The following ADAM29 variants were observed in gnomAD, a reference collection of about 807,000 sequenced individuals.
ADAM29 encodes disintegrin and metalloproteinase domain-containing protein 29.
For missense variants in ADAM29, 969 were observed against 1,001.8 expected (o/e 0.97, Z 0.44); for synonymous variants, 367 against 342.3 (o/e 1.07, Z -0.80).
At chr4:174,957,621 G>A (rs551074629) in intron 4 of ADAM29, among the ~76,000 whole-genome samples, 2 of 151,784 alleles carry the variant, frequency 1.3e-5, no homozygotes, top group African/African-American at 4.8e-5. Context: ...TCAGAGAAAA[G>A]AAAATACCTA....
chr4:174,964,058 T>C (rs1746013408), intron 4 of ADAM29, among the ~76,000 whole-genome samples: 2 of 152,110 alleles, frequency 1.3e-5, no homozygotes, highest in Admixed American at 1.3e-4. Context: ...CATTTGTTGA[T>C]TAAATACAGT....
intron 2 of ADAM29, among the ~76,000 whole-genome samples, chr4:174,921,684 C>G (rs1007276852): frequency 4.6e-5 from 7 of 152,098 alleles, no homozygotes; most frequent in Admixed American, 3.3e-4. Context: ...GATTAATATG[C>G]TTTCTTTGTA....
intron 4 of ADAM29, among the ~76,000 whole-genome samples, chr4:174,940,710 A>C (rs184748507): frequency 5.5e-4 from 83 of 152,268 alleles, no homozygotes; most frequent in African/African-American, 2.0e-3. Flanking sequence ...CTTCTTGCTT[A>C]AAACAGGGCT....
At chr4:174,950,068 C>A (rs1745082208) in intron 4 of ADAM29, among the ~76,000 whole-genome samples, 3 of 152,074 alleles carry the variant, frequency 2.0e-5, no homozygotes, top group Admixed American at 1.3e-4. Flanking sequence ...CATTCTGTGA[C>A]CATAGCCTTT....
intron 2 of ADAM29, among the ~76,000 whole-genome samples, chr4:174,921,256 G>C (rs930755057): frequency 1.3e-5 from 2 of 152,096 alleles, no homozygotes; most frequent in African/African-American, 4.8e-5. Context: ...AGAAATAAAA[G>C]CTATAATATG....
At chr4:174,919,036 A>G (rs1743026945) in intron 1 of ADAM29, 1 of 152,126 alleles carries the variant, frequency 6.6e-6, no homozygotes, top group Non-Finnish European at 1.5e-5. Flanking sequence ...TAATTTTTAA[A>G]AGTCTTTAAC....
rs70947473 is a variant in ADAM29 at position 174,923,560 on chromosome 4, T to TATATATATATATATAG, written c.-451+2769_-451+2770insTATATATATATATAGA. 5.3e-4 allele frequency among the ~76,000 whole-genome samples: 61 copies of TATATATATATATATAG among 115,916 alleles called. 4 individuals are homozygous for TATATATATATATATAG. Among genetic ancestry groups the TATATATATATATATAG allele is most frequent in the Non-Finnish European group, 5.9e-4 (35 of 59,280 alleles). The allele number at this position is 115,916 out of a possible 152,430, so 76.0% of individuals were successfully genotyped here. On this transcript the variant is annotated intron_variant, in intron 2 of 4. Coordinates refer to ENST00000359240, the MANE Select transcript of ADAM29 (RefSeq NM_014269.4). Reference sequence around the variant, plus strand: ...ATATATATATATATATATATATATATACACACACACATATATATCTTTAAA... The same window carrying TATATATATATATATAG: ...ATATATATATATATATATATATATATATATATATATATATAGACACACACACATATATATCTTTAAA...
chr4:174,955,341 A>G (rs1251934061), intron 4 of ADAM29, among the ~76,000 whole-genome samples: 1 of 146,540 alleles, frequency 6.8e-6, no homozygotes, highest in Non-Finnish European at 1.6e-5. Flanking sequence ...TTTAAAAAAG[A>G]AGAAGAAGAC....
At chr4:174,934,917 G>C (rs1195426323) in intron 3 of ADAM29, among the ~76,000 whole-genome samples, 1 of 152,150 alleles carries the variant, frequency 6.6e-6, no homozygotes, top group African/African-American at 2.4e-5. Flanking sequence ...TTAGAAAGCT[G>C]TGAACTAAAG....
At chr4:174,947,398 C>A (rs1022788145) in intron 4 of ADAM29, among the ~76,000 whole-genome samples, 2 of 152,142 alleles carry the variant, frequency 1.3e-5, no homozygotes, top group Admixed American at 1.3e-4. Flanking sequence ...AAAACTTTTC[C>A]CTTAACACTG....
rs1442588579 is a variant in ADAM29 at position 174,976,949 on chromosome 4, G to T, written c.1424G>T (p.Cys475Phe). ...PEWCNGTSHK[C>F]PDDFYVEDGI... Reference sequence around the variant, plus strand: ...TGGTGCAATGGTACTTCCCATAAGTGCCCAGATGACTTTTATGTGGAAGAT... The same window carrying T: ...TGGTGCAATGGTACTTCCCATAAGTTCCCAGATGACTTTTATGTGGAAGAT... Residue 475 changes from cysteine to phenylalanine, a missense_variant, in exon 5 of 5, where the codon TGC becomes TTC. Coordinates refer to ENST00000359240, the MANE Select transcript of ADAM29 (RefSeq NM_014269.4). 6.2e-7 allele frequency: 1 copy of T among 1,614,054 alleles called. No homozygotes were observed. Among genetic ancestry groups the T allele is most frequent in the Non-Finnish European group, 8.5e-7 (1 of 1,180,006 alleles).
At chr4:174,919,272 C>G (rs1036685847) in intron 1 of ADAM29, among the ~76,000 whole-genome samples, 4 of 152,212 alleles carry the variant, frequency 2.6e-5, no homozygotes, top group South Asian at 4.1e-4. Flanking sequence ...AAGATCATAA[C>G]CATTCAGAAT....
At chr4:174,946,007 T>G (rs1744831537) in intron 4 of ADAM29, among the ~76,000 whole-genome samples, 1 of 152,114 alleles carries the variant, frequency 6.6e-6, no homozygotes, top group Non-Finnish European at 1.5e-5. Flanking sequence ...TTTTCAAAAC[T>G]TTTTTTCTAA....
At chr4:174,974,226 T>C (rs1327670923) in intron 4 of ADAM29, among the ~76,000 whole-genome samples, 1 of 152,222 alleles carries the variant, frequency 6.6e-6, no homozygotes, top group African/African-American at 2.4e-5. Context: ...TTGCCGAGCT[T>C]TTCCATTCTT....
intron 2 of ADAM29, among the ~76,000 whole-genome samples, chr4:174,923,352 G>T (rs529170961): frequency 6.6e-6 from 1 of 151,668 alleles, no homozygotes; most frequent in African/African-American, 2.4e-5. Context: ...ACCGTGCTTG[G>T]CCTAATTTAA....
At chr4:174,923,124 C>T (rs759803079) in intron 2 of ADAM29, among the ~76,000 whole-genome samples, 24 of 152,044 alleles carry the variant, frequency 1.6e-4, no homozygotes, top group Admixed American at 4.6e-4. Flanking sequence ...GGTGCGATCT[C>T]GGCTCACTGC....
chr4:174,949,772 T>G (rs959305640), intron 4 of ADAM29, among the ~76,000 whole-genome samples: 1 of 151,984 alleles, frequency 6.6e-6, no homozygotes, highest in Non-Finnish European at 1.5e-5. Flanking sequence ...TTCTTGCACC[T>G]CCTGTAAAAA....
chr4:174,953,057 CA>C (rs1325202647), intron 4 of ADAM29, among the ~76,000 whole-genome samples: 1 of 152,112 alleles, frequency 6.6e-6, no homozygotes, highest in Admixed American at 6.5e-5. Context: ...GAGGCCAAGG[CA>C]GGTGGATCAC....
At chr4:174,960,200 C>T (rs1001408268) in intron 4 of ADAM29, among the ~76,000 whole-genome samples, 13 of 151,988 alleles carry the variant, frequency 8.6e-5, no homozygotes, top group Middle Eastern at 3.4e-3. Context: ...AGTGTTTTCT[C>T]GAATAATATA....
Sources: gnomAD v4.1 joint callset for allele counts (sites outside exome capture counted in the v4.1 genomes callset) on GRCh38, gnomAD v4.1.1 for gene constraint, MANE v1.5 for transcripts, NCBI Gene and HGNC (gene_info 2026-07-23, HGNC 2026-07-21) for gene names.